The following FBF1 variants were observed in gnomAD, a reference collection of about 807,000 sequenced individuals.
FBF1 encodes the protein fas-binding factor 1.
In FBF1, 119 loss-of-function variants were observed where a neutral mutation model predicts 147.2. The observed-to-expected ratio is 0.81, with a 90% CI of 0.70 to 0.94. FBF1 has a LOEUF of 0.94. Among genes scored for constraint, FBF1 ranks in the 40% least tolerant of loss-of-function variants. The probability of loss-of-function intolerance (pLI) is 0.00; values close to 1 mark genes in which losing one functional copy is unlikely to be tolerated. For missense variants in FBF1, 1,449 were observed against 1,500.8 expected, an observed-to-expected ratio of 0.97 and a Z score of 0.57; for synonymous variants, 601 against 609.0, an observed-to-expected ratio of 0.99 and a Z score of 0.19.
Position 75,919,818 on chromosome 17 carries a change from C to G in FBF1, c.1988G>C (p.Arg663Thr). The change falls in exon 20 of 30, where the codon AGA (arginine) becomes ACA (threonine). Residue 663 changes from arginine (R) to threonine (T), a missense_variant. Coordinates refer to ENST00000636174, the MANE Select transcript of FBF1 (RefSeq NM_001319193.2). The surrounding 1 kb of genome is among the most constrained non-coding windows in gnomAD (Gnocchi z 5.0). ...CCGAGCTGACAGCTCTTCGTTCTCT[C>G]TCCGGAGCCGCTCCTCCCGTTGCTG... Reference protein sequence around the residue: ...SYQQREERLRRENEELSARYL... With the variant: ...SYQQREERLRTENEELSARYL... The G allele has an allele frequency of 1.2e-6, 2 of 1,613,830 alleles. No individual in the cohort carries two copies. The highest frequency in any genetic ancestry group is 1.7e-6 in the Non-Finnish European group (2 of 1,179,892).
At position 75,918,130 on chromosome 17, in the gene FBF1, T is replaced by A; in HGVS notation, c.2246+32A>T. 2 of 1,610,300 alleles carry A rather than the reference T, an allele frequency of 1.2e-6. No homozygotes were observed. Among genetic ancestry groups the A allele is most frequent in the South Asian group, 2.2e-5 (2 of 90,790 alleles). Reference sequence around the variant, plus strand: ...CTCGGGGACCTTCCGGCCCCCAACGTCAGGCGGGCATGGTTGGGGCAGCGC... The same window carrying A: ...CTCGGGGACCTTCCGGCCCCCAACGACAGGCGGGCATGGTTGGGGCAGCGC... On this transcript the variant is annotated intron_variant, in intron 21 of 29. Transcript: ENST00000636174. This position sits in a 1 kb window ranked among gnomAD's most constrained non-coding sequence, Gnocchi z 5.8.
chr17:75,923,652 GA>G lies in FBF1; in HGVS notation c.969-12del. On this transcript the variant is annotated splice_polypyrimidine_tract_variant and intron_variant, in intron 13 of 29. Transcript: ENST00000636174. The surrounding 1 kb of genome is among the most constrained non-coding windows in gnomAD (Gnocchi z 4.1). Reference sequence around the variant, plus strand: ...TCTGCGAAGAACCTACTTCAAGACAGAAAGGAGGGTGTCAGGCAGGGGAAAC... The same window carrying G: ...TCTGCGAAGAACCTACTTCAAGACAGAAGGAGGGTGTCAGGCAGGGGAAAC... The G allele has an allele frequency of 6.3e-7, 1 of 1,580,472 alleles. No individual in the cohort carries two copies. Among genetic ancestry groups the G allele is most frequent in the Non-Finnish European group, 8.6e-7 (1 of 1,162,332 alleles).
At chr17:75,931,794 T>C (rs1406958590) in intron 5 of FBF1, among the ~76,000 whole-genome samples, 2 of 132,228 alleles carry the variant, frequency 1.5e-5, no homozygotes, top group East Asian at 2.2e-4. Flanking sequence ...AAAAATAAAG[T>C]AAAAAAAAAA....
At position 75,917,852 on chromosome 17, in the gene FBF1, TG is replaced by T; in HGVS notation, c.2387-3del. 1.2e-6 allele frequency: 2 copies of T among 1,600,518 alleles called. No individual in the cohort carries two copies. Among genetic ancestry groups the T allele is most frequent in the Non-Finnish European group, 8.5e-7 (1 of 1,175,434 alleles). ...GCTGGCCCAGCCGCTCCTGCAGTGC[TG>T]GGGGCAACCCACAGGGTGCTCAGCA... On this transcript the variant is annotated splice_polypyrimidine_tract_variant and splice_region_variant and intron_variant, in intron 22 of 29. Coordinates refer to ENST00000636174, the MANE Select transcript of FBF1 (RefSeq NM_001319193.2).
rs763783492 is a variant in FBF1, at chr17:75,921,948, G to A, written c.1523C>T (p.Ser508Leu). ...RERPCVRPGV[S>L]GSPVTQNHAA... is the part of the protein sequence containing the mutation. The stretch of plus-strand genomic sequence containing the variant: ...TCAGCCCGCAGCCCAGGCCTACCCC[G>A]AGACACCAGGCCTGACACACGGTCT... The change falls in exon 15 of 30, where the codon TCG becomes TTG. Residue 508 changes from serine (S) to leucine (L), a missense_variant. By Grantham distance (145) the Ser-to-Leu change is moderately radical. Coordinates refer to ENST00000636174, the MANE Select transcript of FBF1 (RefSeq NM_001319193.2). The A allele has an allele frequency of 1.0e-5, 16 of 1,550,400 alleles. No individual in the cohort carries two copies. The African/African-American group carries it at 1.1e-4, about 11-fold the overall frequency.
intron 2 of FBF1, chr17:75,937,850 A>G (rs1346593955): frequency 3.2e-6 from 2 of 628,996 alleles, no homozygotes; most frequent in African/African-American, 1.8e-5. Context: ...CACGACATGC[A>G]AACCCTCCCA....
At position 75,923,128 on chromosome 17, in the gene FBF1, G is replaced by A. The variant is rs1567860873; in HGVS notation, c.1424+58C>T. 2.7e-6 allele frequency: 4 copies of A among 1,458,470 alleles called. No homozygotes were observed. Among genetic ancestry groups the A allele is most frequent in the Non-Finnish European group, 1.8e-6 (2 of 1,089,620 alleles). 90.3% of individuals were successfully genotyped at this position (1,458,470 alleles called of 1,614,324 possible). A position where few individuals can be genotyped will look rare whatever the true frequency, so the allele number is the denominator to read the frequency against. On this transcript the variant is annotated intron_variant, in intron 14 of 29. Coordinates refer to ENST00000636174, the MANE Select transcript of FBF1 (RefSeq NM_001319193.2). This position sits in a 1 kb window ranked among gnomAD's most constrained non-coding sequence, Gnocchi z 4.1. ...CTGCAACAGGTGAAGGGGCAAAGGG[G>A]CTCCTCAAGTCCCCAGCCAGTCCTC...
At position 75,910,853 on chromosome 17, in the gene FBF1, G is replaced by A. The variant is rs9302994; in HGVS notation, c.3364-47C>T. The stretch of plus-strand genomic sequence containing the variant: ...GCGGTCACCTTCCCTGAGCTGAGAG[G>A]GAGGTGGAGCCCTGGATGCTAGCTG... On this transcript the variant is annotated intron_variant, in intron 29 of 29. Coordinates refer to ENST00000636174, the MANE Select transcript of FBF1 (RefSeq NM_001319193.2). This position sits in a 1 kb window ranked among gnomAD's most constrained non-coding sequence, Gnocchi z 4.1. 0.35 allele frequency: 533,163 copies of A among 1,511,206 alleles called. 105,167 individuals carry two copies. The highest frequency in any genetic ancestry group is 0.84 in the African/African-American group (61,385 of 72,734). 93.6% of individuals were successfully genotyped at this position (1,511,206 alleles called of 1,614,324 possible).
At chr17:75,913,680 C>A in intron 28 of FBF1, 22 bp downstream of exon 28, 1 of 1,563,578 alleles carries the variant, frequency 6.4e-7, no homozygotes, top group South Asian at 1.2e-5. Flanking sequence ...AGCCGCCGGC[C>A]CTTCCTTCTG....
At chr17:75,932,033 A>G (rs1307177138) in intron 5 of FBF1, among the ~76,000 whole-genome samples, 1 of 152,230 alleles carries the variant, frequency 6.6e-6, no homozygotes, top group African/African-American at 2.4e-5. Context: ...GATAGAAGCC[A>G]GGACTGCTGA....
intron 3 of FBF1, 83 bp from the exon 4 acceptor site, chr17:75,935,756 A>ATTCT (rs2065620690): frequency 7.4e-7 from 1 of 1,345,850 alleles, no homozygotes; most frequent in Non-Finnish European, 1.0e-6. Flanking sequence ...ACTCGCCAGA[A>ATTCT]GGCGTCAGAC....
At chr17:75,935,092 A>G (rs1483631954) in intron 4 of FBF1, among the ~76,000 whole-genome samples, 1 of 152,122 alleles carries the variant, frequency 6.6e-6, no homozygotes, top group African/African-American at 2.4e-5. Context: ...TGGTTGTACA[A>G]CTTTTGAATA....
At chr17:75,914,344 G>A (rs559576434) in intron 25 of FBF1, 46 bp from the exon 26 acceptor site, 5 of 1,553,212 alleles carry the variant, frequency 3.2e-6, no homozygotes, top group African/African-American at 1.4e-5. Flanking sequence ...CAGGAATTGC[G>A]CTGCACTCTG....
chr17:75,919,907 A>C lies in FBF1; in HGVS notation c.1932-33T>G. 1 of 1,613,354 alleles carries C rather than the reference A, an allele frequency of 6.2e-7. No homozygotes were observed. The highest frequency in any genetic ancestry group is 1.6e-4 in the Middle Eastern group (1 of 6,062). ...CAGAACACCCAGCCATGGCGCAAGG[A>C]AGGCAGAGGGCTGCCGCCTAAAGGC... is the stretch of plus-strand genomic sequence containing the variant. On this transcript the variant is annotated intron_variant, in intron 19 of 29. Transcript: ENST00000636174. The surrounding 1 kb of genome is among the most constrained non-coding windows in gnomAD (Gnocchi z 5.0).
In FBF1 at chr17:75,926,157, C is replaced by T; in HGVS notation, c.741G>A (p.Gly247=). The T allele has an allele frequency of 6.2e-7, 1 of 1,608,054 alleles. No homozygotes were observed. The highest frequency in any genetic ancestry group is 8.5e-7 in the Non-Finnish European group (1 of 1,178,002). ...CCAGCGTGGAGCGAGCAGGGCGAGG[C>T]CCTTCCCTGCAGGACGGGACACACG... ...AEKRQIGDQE[G]PRPARSTLDE... The change falls in exon 12 of 30, where the codon GGG becomes GGA. Residue 247 remains glycine (G), a synonymous_variant. Coordinates refer to ENST00000636174, the MANE Select transcript of FBF1 (RefSeq NM_001319193.2).
At chr17:75,937,244 C>T (rs1333073002) in intron 3 of FBF1, among the ~76,000 whole-genome samples, 1 of 149,118 alleles carries the variant, frequency 6.7e-6, no homozygotes, top group African/African-American at 2.5e-5. Context: ...GATCTCGGCT[C>T]ACTGCAAGCT....
chr17:75,937,817 G>A (rs949911954), intron 2 of FBF1: 51 of 641,092 alleles, frequency 8.0e-5, no homozygotes, highest in African/African-American at 1.6e-4. Context: ...GCCAATGGGC[G>A]GGCAGGTCAC....
At chr17:75,913,478 T>TTC (rs201027437) in intron 28 of FBF1, 7,276 of 438,210 alleles carry the variant, frequency 0.017, 293 homozygotes, top group African/African-American at 0.1. Flanking sequence ...TCCTTTTTTT[T>TTC]TCCTGAGTCC....
rs34602242 is a variant in FBF1, at chr17:75,938,555, C to CAAA, written c.-83-326_-83-324dup. Among the ~76,000 whole-genome samples the CAAA allele has an allele frequency of 2.2e-3, 127 of 58,280 alleles. 4 individuals carry two copies. Among genetic ancestry groups the CAAA allele is most frequent in the African/African-American group, 4.8e-3 (72 of 15,132 alleles). 38.2% of individuals were successfully genotyped at this position (58,280 alleles called of 152,430 possible). A position where few individuals can be genotyped will look rare whatever the true frequency, so the allele number is the denominator to read the frequency against. ...TAGGCAACAGAGTGAGACTCCATCT[C>CAAA]AAAAAAAAAAAAAAAAAAAAAAGAG... On this transcript the variant is annotated intron_variant, in intron 1 of 29. Coordinates refer to ENST00000636174, the MANE Select transcript of FBF1 (RefSeq NM_001319193.2).
Sources: gnomAD v4.1 joint callset for allele counts (sites outside exome capture counted in the v4.1 genomes callset) on GRCh38, gnomAD v4.1.1 for gene constraint, Gnocchi (gnomAD v3.1) non-coding constraint, MANE v1.5 for transcripts, NCBI Gene and HGNC (gene_info 2026-07-23, HGNC 2026-07-21) for gene names.